Variants in WDR38 observed in about 807,000 individuals in gnomAD.
The protein encoded by WDR38 is WD repeat domain 38, also known as WD repeat-containing protein 38.
A neutral mutation model predicts 36.6 loss-of-function variants in WDR38; 37 were observed. The ratio of observed to expected loss-of-function variants is 1.01; its 90% CI spans 0.78 to 1.33. The LOEUF (loss-of-function observed/expected upper bound fraction) is 1.33, where lower values mean the gene tolerates loss of function less well. WDR38 is among the 40% of genes most tolerant of loss of function. WDR38 has a pLI of 0.00. For synonymous variants in WDR38, 164 were observed against 168.1 expected, an observed-to-expected ratio of 0.98 and a Z score of 0.19; for missense variants, 411 against 414.6, an observed-to-expected ratio of 0.99 and a Z score of 0.07.
rs759577749 is a variant in WDR38, at chr9:124,857,664, G to C, written c.*34G>C. 2.5e-6 allele frequency: 4 copies of C among 1,611,552 alleles called. No individual in the cohort carries two copies. The South Asian group carries it at 4.4e-5, about 18-fold the overall frequency. ...ACCTTAGATGGTGCCGACCTCACCCGCTCCCCTCAGTGGCGCACAGGCATG... is the reference window on the plus strand; with the variant it reads ...ACCTTAGATGGTGCCGACCTCACCCCCTCCCCTCAGTGGCGCACAGGCATG... On this transcript the variant is annotated 3_prime_UTR_variant, in exon 9 of 9. Coordinates refer to ENST00000373574, the MANE Select transcript of WDR38 (RefSeq NM_001045476.3).
chr9:124,853,583 G>T lies in WDR38; in HGVS notation c.52G>T (p.Gly18Cys). The T allele has an allele frequency of 7.9e-7, 1 of 1,270,588 alleles. No individual in the cohort carries two copies. The highest frequency in any genetic ancestry group is 1.0e-6 in the Non-Finnish European group (1 of 1,001,052). 78.7% of individuals were successfully genotyped at this position (1,270,588 alleles called of 1,614,324 possible). A position where few individuals can be genotyped will look rare whatever the true frequency, so the allele number is the denominator to read the frequency against. Residue 18 changes from glycine to cysteine, a missense_variant, in exon 1 of 9, where the codon GGC becomes TGC. Coordinates refer to ENST00000373574, the MANE Select transcript of WDR38 (RefSeq NM_001045476.3). ...TLAVRRVKFF[G>C]QHGGEVNSSA... Reference sequence around the variant, plus strand: ...GGCCGTGCGGAGAGTGAAATTCTTCGGCCAGCACGGCGGGGAGGTGAGGTC... The same window carrying T: ...GGCCGTGCGGAGAGTGAAATTCTTCTGCCAGCACGGCGGGGAGGTGAGGTC...
Position 124,857,687 on chromosome 9 carries a change from A to T in WDR38, c.*57A>T, listed in dbSNP as rs559936833. ...CCGCTCCCCTCAGTGGCGCACAGGC[A>T]TGCCGCTTCTCCCCACAGACGCAAA... On this transcript the variant is annotated 3_prime_UTR_variant, in exon 9 of 9. Coordinates refer to ENST00000373574, the MANE Select transcript of WDR38 (RefSeq NM_001045476.3). 2.1e-4 allele frequency: 344 copies of T among 1,606,948 alleles called. 2 individuals carry two copies. In the African/African-American group the frequency reaches 4.1e-3, roughly 19 times the overall value.
intron 3 of WDR38, 50 bp from the exon 4 acceptor site, chr9:124,855,811 T>G (rs761218766): frequency 6.2e-7 from 1 of 1,613,686 alleles, no homozygotes; most frequent in Non-Finnish European, 8.5e-7. Context: ...TGCTGTGTCC[T>G]GTGTCACGTC....
chr9:124,855,585 C>A, intron 2 of WDR38, 49 bp from the exon 3 acceptor site: 1 of 1,562,670 alleles, frequency 6.4e-7, no homozygotes, highest in Non-Finnish European at 8.7e-7. Context: ...ACTGCGTGGG[C>A]AGAAGTGGCG....
At chr9:124,857,329 G>A (rs779947588) in intron 7 of WDR38, 35 bp from the exon 8 acceptor site, 1 of 1,577,056 alleles carries the variant, frequency 6.3e-7, no homozygotes, top group Non-Finnish European at 8.6e-7. Context: ...CAGTGGCCTG[G>A]TGAGGCTTCC....
At chr9:124,856,098 C>T (rs936919399) in intron 4 of WDR38, 140 bp downstream of exon 4, 4 of 1,507,684 alleles carry the variant, frequency 2.7e-6, no homozygotes, top group African/African-American at 1.4e-5. Flanking sequence ...AGGCTGCCCC[C>T]ACCTGGCCAC....
Position 124,855,903 on chromosome 9 carries a change from C to T in WDR38, c.350C>T (p.Ser117Leu), listed in dbSNP as rs143539459. The change falls in exon 4 of 9, where the codon TCG becomes TTG. Residue 117 changes from serine (S) to leucine (L), a missense_variant. Coordinates refer to ENST00000373574, the MANE Select transcript of WDR38 (RefSeq NM_001045476.3). ...GAGACGGTCAGCTTCAGCCCTGACT[C>T]GAGACAGCTGGCATCAGGTGGCTGG... ...SVETVSFSPD[S>L]RQLASGGWDK... 619 of 1,614,100 alleles carry T rather than the reference C, an allele frequency of 3.8e-4. 6 individuals carry two copies. In the African/African-American group the frequency reaches 4.9e-3, roughly 13 times the overall value.
chr9:124,857,764 C>T lies in WDR38; in HGVS notation c.*134C>T. ...CCCATGGCCAGGACTCTCCAGGCCCCACCAGAGCAGACAACTGTGGTGGGC... is the reference window on the plus strand; with the variant it reads ...CCCATGGCCAGGACTCTCCAGGCCCTACCAGAGCAGACAACTGTGGTGGGC... On this transcript the variant is annotated 3_prime_UTR_variant, in exon 9 of 9. Transcript: ENST00000373574. 1 of 1,508,106 alleles carries T rather than the reference C, an allele frequency of 6.6e-7. No individual in the cohort carries two copies. The highest frequency in any genetic ancestry group is 1.2e-5 in the South Asian group (1 of 80,138). The allele number at this position is 1,508,106 out of a possible 1,614,324, so 93.4% of individuals were successfully genotyped here.
intron 5 of WDR38, 39 bp downstream of exon 5, chr9:124,856,359 C>A: frequency 9.3e-6 from 15 of 1,613,588 alleles, no homozygotes; most frequent in Non-Finnish European, 1.3e-5. Context: ...CCTCAGTGGC[C>A]CCATACCCAC....
In WDR38 at chr9:124,857,739, C is replaced by G; in HGVS notation, c.*109C>G. The G allele has an allele frequency of 1.3e-6, 2 of 1,552,362 alleles. No homozygotes were observed. Among genetic ancestry groups the G allele is most frequent in the South Asian group, 2.4e-5 (2 of 83,888 alleles). ...TGACTGTGCTGGCATCCAGCAGATC[C>G]CCATGGCCAGGACTCTCCAGGCCCC... On this transcript the variant is annotated 3_prime_UTR_variant, in exon 9 of 9. Coordinates refer to ENST00000373574, the MANE Select transcript of WDR38 (RefSeq NM_001045476.3).
chr9:124,856,311 G>T lies in WDR38; in HGVS notation c.477G>T (p.Val159=), dbSNP rs774628504. The change falls in exon 5 of 9, where the codon GTG becomes GTT. Residue 159 remains valine (V), a synonymous_variant. Coordinates refer to ENST00000373574, the MANE Select transcript of WDR38 (RefSeq NM_001045476.3). ...SIQSSDFSPT[V]NCLATGSWDS... ...AGAGCAGCGACTTCTCACCCACGGT[G>T]AACTGCCTGGTGAGCCTACCCTCTG... 1.9e-6 allele frequency: 3 copies of T among 1,614,068 alleles called. No homozygotes were observed. In the African/African-American group the frequency reaches 4.0e-5, roughly 22 times the overall value.
chr9:124,857,082 A>T (rs567932528), intron 7 of WDR38, among the ~76,000 whole-genome samples: 1 of 152,308 alleles, frequency 6.6e-6, no homozygotes, highest in East Asian at 1.9e-4. Flanking sequence ...TGACATTTCC[A>T]TGACCCAAAT....
chr9:124,854,229 G>C lies in WDR38; in HGVS notation c.94G>C (p.Asp32His). The C allele has an allele frequency of 6.2e-7, 1 of 1,614,180 alleles. No homozygotes were observed. The highest frequency in any genetic ancestry group is 8.5e-7 in the Non-Finnish European group (1 of 1,180,010). Residue 32 changes from aspartate (D) to histidine (H), a missense_variant, in exon 2 of 9, where the codon GAT becomes CAT. Transcript: ENST00000373574. ...GEVNSSAFSP[D>H]GQMLLTGSED... ...GGTCAACTCTTCTGCCTTCTCCCCTGATGGCCAGATGCTGCTCACAGGCTC... is the reference window on the plus strand; with the variant it reads ...GGTCAACTCTTCTGCCTTCTCCCCTCATGGCCAGATGCTGCTCACAGGCTC...
chr9:124,856,845 C>G lies in WDR38; in HGVS notation c.732C>G (p.Asp244Glu). 6.2e-7 allele frequency: 1 copy of G among 1,614,212 alleles called. No homozygotes were observed. The highest frequency in any genetic ancestry group is 1.1e-5 in the South Asian group (1 of 91,090). Residue 244 changes from aspartate (D) to glutamate (E), a missense_variant, in exon 7 of 9, where the codon GAC becomes GAG. Transcript: ENST00000373574. ...TGAAGAGCATAGCCTTCTCTCCCGA[C>G]GAGCTGTGGCTGGCCAGCGCCGGCT... ...TWVKSIAFSPDELWLASAGYS... is the reference protein window; with the variant it reads ...TWVKSIAFSPEELWLASAGYS...
At position 124,856,733 on chromosome 9, in the gene WDR38, C is replaced by G. The variant is rs767184079; in HGVS notation, c.620C>G (p.Ala207Gly). The G allele has an allele frequency of 6.2e-7, 1 of 1,614,226 alleles. No homozygotes were observed. Among genetic ancestry groups the G allele is most frequent in the Non-Finnish European group, 8.5e-7 (1 of 1,180,048 alleles). Residue 207 changes from alanine (A) to glycine (G), a missense_variant and splice_region_variant, in exon 7 of 9, where the codon GCA becomes GGA. Ala to Gly is a moderately conservative substitution (Grantham distance 60). Coordinates refer to ENST00000373574, the MANE Select transcript of WDR38 (RefSeq NM_001045476.3). ...GGATCAGAGCTGTCTGCTGTCCAGG[C>G]ATCCGGCTCCTGGGACAAGACCATC... The part of the protein sequence containing the change: ...CLCYSASGLL[A>G]SGSWDKTIHI...
At position 124,857,862 on chromosome 9, in the gene WDR38, A is replaced by T. The variant is rs876663; in HGVS notation, c.*232A>T. 4.4e-6 allele frequency: 7 copies of T among 1,596,318 alleles called. No individual in the cohort carries two copies. Among genetic ancestry groups the T allele is most frequent in the Admixed American group, 1.7e-5 (1 of 59,376 alleles). Reference sequence around the variant, plus strand: ...CCACCCACCTCCACCCAATCAGTGGAAGTGCCAGGAAACAAAGCAGTCTCA... The same window carrying T: ...CCACCCACCTCCACCCAATCAGTGGTAGTGCCAGGAAACAAAGCAGTCTCA... On this transcript the variant is annotated 3_prime_UTR_variant, in exon 9 of 9. Coordinates refer to ENST00000373574, the MANE Select transcript of WDR38 (RefSeq NM_001045476.3).
chr9:124,854,405 T>C (rs1828992901), intron 2 of WDR38, 80 bp downstream of exon 2: 4 of 1,593,556 alleles, frequency 2.5e-6, no homozygotes, highest in African/African-American at 2.7e-5. Context: ...TGACCTCCGA[T>C]GAGCTGGGCA....
At chr9:124,854,430 G>A in intron 2 of WDR38, 105 bp downstream of exon 2, 1 of 1,557,420 alleles carries the variant, frequency 6.4e-7, no homozygotes, top group East Asian at 2.3e-5. Flanking sequence ...TGCAAGGCAG[G>A]GCTGGGCAGG....
In WDR38 at chr9:124,854,341, C is replaced by G. The variant is rs764266742; in HGVS notation, c.190+16C>G. 33 of 1,612,860 alleles carry G rather than the reference C, an allele frequency of 2.0e-5. 1 individual carries two copies. Among genetic ancestry groups the G allele is most frequent in the African/African-American group, 2.7e-5 (2 of 74,916 alleles). The stretch of plus-strand genomic sequence containing the variant: ...GGCCACACAGGTGGGGCTCCCACAC[C>G]TGGCCGGGAAGACCGAGGCACAAGG... On this transcript the variant is annotated intron_variant, in intron 2 of 8. Coordinates refer to ENST00000373574, the MANE Select transcript of WDR38 (RefSeq NM_001045476.3).
Sources: gnomAD v4.1 joint callset for allele counts (sites outside exome capture counted in the v4.1 genomes callset) on GRCh38, gnomAD v4.1.1 for gene constraint, MANE v1.5 for transcripts, NCBI Gene and HGNC (gene_info 2026-07-23, HGNC 2026-07-21) for gene names.